PKNOX2: variants seen among roughly 807,000 people sequenced by gnomAD.
The protein encoded by PKNOX2 is homeobox protein PKNOX2.
In PKNOX2, 14 loss-of-function variants were observed where a neutral mutation model predicts 53.1. That is an observed-to-expected ratio of 0.26 (90% CI 0.17 to 0.41). The LOEUF (loss-of-function observed/expected upper bound fraction) is 0.41. Ranked by LOEUF, PKNOX2 falls within the 10% of genes least tolerant of loss-of-function variation. PKNOX2 has a pLI of 1.00. For missense variants in PKNOX2, 496 were observed against 602.8 expected (o/e 0.82, Z 1.85); for synonymous variants, 257 against 242.8 (o/e 1.06, Z -0.54).
chr11:125,393,922 C>G (rs1223480748), intron 6 of PKNOX2, among the ~76,000 whole-genome samples: 1 of 125,432 alleles, frequency 8.0e-6, no homozygotes, highest in African/African-American at 3.2e-5. Context: ...ACAAGGCACA[C>G]GGGTGGGGGG....
chr11:125,405,039 A>G (rs1318475713), intron 7 of PKNOX2, among the ~76,000 whole-genome samples: 1 of 152,236 alleles, frequency 6.6e-6, no homozygotes, highest in Non-Finnish European at 1.5e-5. Context: ...CCGGTGGATC[A>G]GCAGAGACCT....
At chr11:125,294,909 G>C (rs1591516371) in intron 2 of PKNOX2, among the ~76,000 whole-genome samples, 1 of 152,210 alleles carries the variant, frequency 6.6e-6, no homozygotes, top group Non-Finnish European at 1.5e-5. Flanking sequence ...AGGCATGACT[G>C]TGCAGAGGAG....
At chr11:125,405,741 G>C (rs1365549650) in intron 7 of PKNOX2, among the ~76,000 whole-genome samples, 1 of 152,090 alleles carries the variant, frequency 6.6e-6, no homozygotes, top group East Asian at 1.9e-4. Flanking sequence ...GCCTTGCTCT[G>C]CCCCTCCTGA....
At chr11:125,326,072 A>C (rs1056407142) in intron 2 of PKNOX2, among the ~76,000 whole-genome samples, 2 of 152,194 alleles carry the variant, frequency 1.3e-5, no homozygotes, top group African/African-American at 4.8e-5. Flanking sequence ...CATGATCTCC[A>C]TGGGTACAGT....
intron 2 of PKNOX2, among the ~76,000 whole-genome samples, chr11:125,315,229 C>T (rs143629399): frequency 1.3e-3 from 191 of 147,090 alleles, no homozygotes; most frequent in African/African-American, 4.3e-3. Flanking sequence ...TGGAGAAATC[C>T]GAATAACTAA....
At chr11:125,192,515 G>A (rs895095490) in intron 1 of PKNOX2, among the ~76,000 whole-genome samples, 9 of 152,210 alleles carry the variant, frequency 5.9e-5, no homozygotes, top group East Asian at 1.9e-4. Context: ...AGCTAGGTCT[G>A]GGGAAGGTGG....
At chr11:125,362,014 T>C (rs1386383316) in intron 4 of PKNOX2, among the ~76,000 whole-genome samples, 3 of 152,222 alleles carry the variant, frequency 2.0e-5, no homozygotes, top group Non-Finnish European at 4.4e-5. Flanking sequence ...TCTGGCACGA[T>C]CATTGTTGGG....
At chr11:125,285,653 T>G (rs1280232203) in intron 2 of PKNOX2, among the ~76,000 whole-genome samples, 1 of 152,244 alleles carries the variant, frequency 6.6e-6, no homozygotes, top group Non-Finnish European at 1.5e-5. Flanking sequence ...TGCAGCTAGA[T>G]TCTATGCAGT....
chr11:125,334,784 T>A (rs1157992162), intron 3 of PKNOX2, among the ~76,000 whole-genome samples: 3 of 151,236 alleles, frequency 2.0e-5, no homozygotes, highest in South Asian at 2.1e-4. Flanking sequence ...TTTTTTTTTT[T>A]AAAGAGATAG....
intron 7 of PKNOX2, among the ~76,000 whole-genome samples, chr11:125,404,635 A>AAC (rs201046684): frequency 1.3e-5 from 2 of 151,184 alleles, no homozygotes; most frequent in African/African-American, 2.4e-5. Context: ...CACACACACA[A>AAC]ACACACACAC....
intron 2 of PKNOX2, among the ~76,000 whole-genome samples, chr11:125,300,408 A>G (rs1746751677): frequency 6.6e-6 from 1 of 152,218 alleles, no homozygotes; most frequent in South Asian, 2.1e-4. Flanking sequence ...CATTTTACAG[A>G]TGAGGCCATT....
intron 3 of PKNOX2, among the ~76,000 whole-genome samples, chr11:125,339,963 G>A (rs1410566968): frequency 2.0e-5 from 3 of 152,228 alleles, no homozygotes; most frequent in African/African-American, 7.2e-5. Context: ...CTTTCAGCTC[G>A]CTTAACGTTT....
chr11:125,392,300 C>T (rs531719184), intron 6 of PKNOX2, among the ~76,000 whole-genome samples: 10 of 152,346 alleles, frequency 6.6e-5, no homozygotes, highest in African/African-American at 2.4e-4. Flanking sequence ...TGCCCAACGG[C>T]ACCCAATTAA....
rs374737297 is a variant in PKNOX2 at position 125,333,375 on chromosome 11, G to A, written c.-23+1450G>A. Among the ~76,000 whole-genome samples, 306 of 152,324 alleles carry A rather than the reference G, an allele frequency of 2.0e-3. No homozygotes were observed. In the South Asian group the frequency reaches 0.024, roughly 12 times the overall value. ...GCCAGTCTGAGCCTGGGAGAATGGA[G>A]GTGTTCCTGCCATCACCTGCATGGT... On this transcript the variant is annotated intron_variant, in intron 3 of 12. Coordinates refer to ENST00000298282, the MANE Select transcript of PKNOX2 (RefSeq NM_001382323.2).
At position 125,319,065 on chromosome 11, in the gene PKNOX2, C is replaced by G. The variant is rs1432764465; in HGVS notation, c.-129-12754C>G. Among the ~76,000 whole-genome samples, 3 of 152,194 alleles carry G rather than the reference C, an allele frequency of 2.0e-5. No individual in the cohort carries two copies. In the East Asian group the frequency reaches 5.8e-4, roughly 29 times the overall value. ...AGCAATGTGAAAACAGACTAATACA[C>G]TCAGTTTTTGACATGCCTCCCTCAC... is the stretch of plus-strand genomic sequence containing the variant. On this transcript the variant is annotated intron_variant, in intron 2 of 12. Coordinates refer to ENST00000298282, the MANE Select transcript of PKNOX2 (RefSeq NM_001382323.2).
intron 1 of PKNOX2, among the ~76,000 whole-genome samples, chr11:125,169,402 C>T (rs148810426): frequency 2.5e-3 from 377 of 152,218 alleles, no homozygotes; most frequent in African/African-American, 4.7e-3. Context: ...AGGATTGTTG[C>T]GATGGGGATC....
intron 2 of PKNOX2, among the ~76,000 whole-genome samples, chr11:125,276,920 T>C (rs1212972170): frequency 6.6e-6 from 1 of 152,100 alleles, no homozygotes; most frequent in Non-Finnish European, 1.5e-5. Context: ...ACTAAGACAA[T>C]GCAAGGAGAG....
At chr11:125,187,654 C>A (rs1383610441) in intron 1 of PKNOX2, among the ~76,000 whole-genome samples, 1 of 150,734 alleles carries the variant, frequency 6.6e-6, no homozygotes, top group Non-Finnish European at 1.5e-5. Flanking sequence ...AATTTGGATG[C>A]CTTTTATTTC....
intron 2 of PKNOX2, among the ~76,000 whole-genome samples, chr11:125,252,583 G>T (rs1363928958): frequency 6.6e-6 from 1 of 152,146 alleles, no homozygotes; most frequent in Admixed American, 6.5e-5. Context: ...GGGAGTGGTG[G>T]GAGGTAGAGG....
Sources: allele counts gnomAD v4.1 joint callset (sites outside exome capture counted in the v4.1 genomes callset), GRCh38; gene constraint gnomAD v4.1.1; transcripts MANE v1.5; gene names NCBI Gene and HGNC (gene_info 2026-07-23, HGNC 2026-07-21).